Variants in LINGO2 observed in about 807,000 individuals in gnomAD.
The protein encoded by LINGO2 is leucine-rich repeat and immunoglobulin-like domain-containing nogo receptor-interacting protein 2.
Under a neutral mutation model 30.6 loss-of-function variants are expected in LINGO2, and 14 were observed. The observed-to-expected ratio is 0.46, with a 90% confidence interval of 0.30 to 0.72. The LOEUF (loss-of-function observed/expected upper bound fraction) is 0.72. Among genes scored for constraint, LINGO2 ranks in the 30% least tolerant of loss-of-function variants. LINGO2 has a pLI of 0.07. For missense variants in LINGO2, 729 were observed against 751.7 expected (o/e 0.97, Z 0.35); for synonymous variants, 317 against 288.5 (o/e 1.10, Z -1.00).
At chr9:28,364,938 A>G (rs1213899583) in intron 3 of LINGO2, among the ~76,000 whole-genome samples, 1 of 152,212 alleles carries the variant, frequency 6.6e-6, no homozygotes, top group African/African-American at 2.4e-5. Context: ...CAAACCTTAT[A>G]CTGTGTTATG....
intron 4 of LINGO2, among the ~76,000 whole-genome samples, chr9:28,201,637 C>T (rs1281517389): frequency 6.6e-6 from 1 of 151,398 alleles, no homozygotes; most frequent in East Asian, 2.0e-4. Context: ...AGTTCTAGAT[C>T]CCTGAGGAAT....
At chr9:28,451,996 C>T (rs1213405398) in intron 2 of LINGO2, among the ~76,000 whole-genome samples, 1 of 151,578 alleles carries the variant, frequency 6.6e-6, no homozygotes, top group African/African-American at 2.4e-5. Flanking sequence ...ATATGAAAAA[C>T]TCTAACATTG....
chr9:29,212,612 C>G, the LINGO2 span, among the ~76,000 whole-genome samples: 1 of 151,408 alleles, frequency 6.6e-6, no homozygotes, highest in African/African-American at 2.4e-5. Context: ...AAAAAAAAAA[C>G]CTCTCTGGTA....
chr9:28,825,099 C>A, the LINGO2 span, among the ~76,000 whole-genome samples: 1 of 152,084 alleles, frequency 6.6e-6, no homozygotes, highest in Non-Finnish European at 1.5e-5. Flanking sequence ...TTTGGTCCAA[C>A]TCCTTCATTA....
the LINGO2 span, among the ~76,000 whole-genome samples, chr9:28,797,355 T>TAGAG: frequency 7.3e-3 from 434 of 59,186 alleles, 2 homozygotes; most frequent in East Asian, 0.01. Flanking sequence ...TATATATATA[T>TAGAG]ATATAGAGAG....
At chr9:28,443,617 A>G (rs10968604) in intron 2 of LINGO2, among the ~76,000 whole-genome samples, 46,401 of 152,110 alleles carry the variant, frequency 0.31, 8,171 homozygotes, top group Middle Eastern at 0.39. Context: ...TGCTGTCACA[A>G]CCTGGCCAGG....
chr9:28,567,717 G>T (rs985560739), intron 1 of LINGO2, among the ~76,000 whole-genome samples: 1 of 151,772 alleles, frequency 6.6e-6, no homozygotes, highest in African/African-American at 2.4e-5. Context: ...TTTGGGTGAC[G>T]GGTTCATTAG....
At chr9:28,066,225 G>T (rs575267395) in intron 4 of LINGO2, among the ~76,000 whole-genome samples, 2 of 152,058 alleles carry the variant, frequency 1.3e-5, no homozygotes, top group South Asian at 4.2e-4. Context: ...GATTTTGATT[G>T]TCACATCACC....
At chr9:28,490,219 T>C (rs903234237) in intron 1 of LINGO2, among the ~76,000 whole-genome samples, 1 of 152,066 alleles carries the variant, frequency 6.6e-6, no homozygotes, top group African/African-American at 2.4e-5. Context: ...CAATACAACC[T>C]TGTGGGAAAG....
At chr9:28,973,108 A>G in the LINGO2 span, among the ~76,000 whole-genome samples, 1 of 152,146 alleles carries the variant, frequency 6.6e-6, no homozygotes, top group East Asian at 1.9e-4. Flanking sequence ...ACATAGGGGT[A>G]GAATGTTTTT....
chr9:27,955,449 A>C (rs1281243068), intron 5 of LINGO2, among the ~76,000 whole-genome samples: 3 of 152,034 alleles, frequency 2.0e-5, no homozygotes, highest in African/African-American at 7.2e-5. Flanking sequence ...CATCCTCTTT[A>C]CCTCTTTTCC....
intron 3 of LINGO2, among the ~76,000 whole-genome samples, chr9:28,342,409 C>G (rs1825797902): frequency 6.6e-6 from 1 of 152,086 alleles, no homozygotes; most frequent in Admixed American, 6.6e-5. Context: ...CTATGTCCAC[C>G]CGCAATTATG....
chr9:27,960,361 G>A (rs116383071), intron 5 of LINGO2, among the ~76,000 whole-genome samples: 442 of 152,246 alleles, frequency 2.9e-3, no homozygotes, highest in African/African-American at 0.01. Flanking sequence ...TGGCAACAGA[G>A]GTGAACTGAT....
chr9:28,126,073 T>G (rs541912460), intron 4 of LINGO2, among the ~76,000 whole-genome samples: 1 of 152,202 alleles, frequency 6.6e-6, no homozygotes, highest in East Asian at 1.9e-4. Context: ...AAAAGAAAAT[T>G]TTTGATAAAA....
intron 4 of LINGO2, among the ~76,000 whole-genome samples, chr9:28,085,411 T>A (rs1825880584): frequency 6.6e-6 from 1 of 152,084 alleles, no homozygotes; most frequent in South Asian, 2.1e-4. Flanking sequence ...AATGGATCTG[T>A]CCTACATCTT....
At chr9:28,662,278 T>G (rs1001976288) in intron 1 of LINGO2, among the ~76,000 whole-genome samples, 1 of 152,166 alleles carries the variant, frequency 6.6e-6, no homozygotes, top group Non-Finnish European at 1.5e-5. Context: ...TAATCTTACT[T>G]GTATCCTTTT....
chr9:28,519,710 T>C (rs1820759771), intron 1 of LINGO2, among the ~76,000 whole-genome samples: 1 of 152,196 alleles, frequency 6.6e-6, no homozygotes. Context: ...CAAGAAAACC[T>C]TTCTGCAAGG....
chr9:28,870,259 G>A, the LINGO2 span, among the ~76,000 whole-genome samples: 1 of 151,840 alleles, frequency 6.6e-6, no homozygotes, highest in African/African-American at 2.4e-5. Context: ...GACAACAATC[G>A]AACTGCACAA....
intron 4 of LINGO2, among the ~76,000 whole-genome samples, chr9:28,107,399 C>T (rs1238749007): frequency 1.3e-5 from 2 of 152,046 alleles, no homozygotes; most frequent in Non-Finnish European, 2.9e-5. Context: ...TTTTGGGATA[C>T]ATTCTGACTT....
Sources: allele counts gnomAD v4.1 joint callset (sites outside exome capture counted in the v4.1 genomes callset), GRCh38; gene constraint gnomAD v4.1.1; transcripts MANE v1.5; gene names NCBI Gene and HGNC (gene_info 2026-07-23, HGNC 2026-07-21).